The following DNAH7 variants were observed in gnomAD, a reference collection of about 807,000 sequenced individuals.
DNAH7 encodes the protein axonemal beta dynein heavy chain 7.
DNAH7 carries 397 observed loss-of-function variants against 444.6 expected under a neutral mutation model. The observed-to-expected ratio is 0.89, with a 90% confidence interval of 0.82 to 0.97. DNAH7 has a LOEUF of 0.97. DNAH7 is among the 50% of genes least tolerant of loss of function. The probability of loss-of-function intolerance (pLI) is 0.00; values close to 1 mark genes in which losing one functional copy is unlikely to be tolerated. For synonymous variants in DNAH7, 1,636 were observed against 1,624.4 expected, an observed-to-expected ratio of 1.01 and a Z score of -0.17; for missense variants, 4,902 against 4,800.8, an observed-to-expected ratio of 1.02 and a Z score of -0.62.
At chr2:195,765,707 T>C (rs1694540204) in intron 61 of DNAH7, among the ~76,000 whole-genome samples, 2 of 152,070 alleles carry the variant, frequency 1.3e-5, no homozygotes, top group African/African-American at 4.8e-5. Flanking sequence ...AAATGGCTTA[T>C]ATCCAAAAGA....
intron 27 of DNAH7, chr2:195,905,444 A>T (rs1216748390): frequency 1.3e-5 from 2 of 152,202 alleles, no homozygotes; most frequent in Non-Finnish European, 2.9e-5. Flanking sequence ...ATGAAATGGA[A>T]ATACAAAAAC....
At chr2:195,887,632 A>G (rs966554420) in intron 33 of DNAH7, among the ~76,000 whole-genome samples, 3 of 152,080 alleles carry the variant, frequency 2.0e-5, no homozygotes, top group African/African-American at 7.2e-5. Context: ...TATCAACCCT[A>G]TTTCCCTACA....
chr2:195,855,150 T>C (rs1007012160), intron 45 of DNAH7, among the ~76,000 whole-genome samples: 4 of 152,206 alleles, frequency 2.6e-5, no homozygotes, highest in African/African-American at 9.6e-5. Context: ...TGAGAATAAA[T>C]AGTATAATAT....
At chr2:195,859,917 AC>A (rs892865970) in intron 42 of DNAH7, among the ~76,000 whole-genome samples, 3 of 152,114 alleles carry the variant, frequency 2.0e-5, no homozygotes, top group Non-Finnish European at 4.4e-5. Context: ...CTTCCAAGTA[AC>A]CTGAAAACTT....
chr2:196,036,838 GC>G (rs1696423843), intron 5 of DNAH7, among the ~76,000 whole-genome samples: 1 of 152,100 alleles, frequency 6.6e-6, no homozygotes. Flanking sequence ...CACATGCTCT[GC>G]CTAGAGACCT....
At chr2:195,983,454 T>C (rs1423025503) in intron 15 of DNAH7, among the ~76,000 whole-genome samples, 1 of 152,044 alleles carries the variant, frequency 6.6e-6, no homozygotes, top group Non-Finnish European at 1.5e-5. Context: ...ATGTGACACA[T>C]GGCAAGAGGG....
Position 195,853,470 on chromosome 2 carries a change from C to T in DNAH7, c.8654G>A (p.Gly2885Asp). 1 of 1,614,056 alleles carries T rather than the reference C, an allele frequency of 6.2e-7. No homozygotes were observed. The change falls in exon 46 of 65, where the codon GGT becomes GAT. Residue 2885 changes from glycine (G) to aspartate (D), a missense_variant. Physicochemically the swap from Gly to Asp is moderately conservative, Grantham distance 94. Coordinates refer to ENST00000312428, the MANE Select transcript of DNAH7 (RefSeq NM_018897.3). The part of the protein sequence containing the change: ...RAEQLIGGLG[G>D]EKTRWSHTAL... The stretch of plus-strand genomic sequence containing the variant: ...TGTGTGGCTCCATCGAGTTTTCTCA[C>T]CTCCAAGGCCTCCAATCAACTGTTC...
At chr2:195,823,789 C>T (rs1697582720) in intron 49 of DNAH7, among the ~76,000 whole-genome samples, 1 of 152,088 alleles carries the variant, frequency 6.6e-6, no homozygotes, top group Non-Finnish European at 1.5e-5. Flanking sequence ...AAACTTTAAG[C>T]TCAATTTACT....
rs1700255536 is a variant in DNAH7 at position 195,865,171 on chromosome 2, CAAT to C, written c.6634-153_6634-151del. Reference sequence around the variant, plus strand: ...TATCCAAATAATCAGGACTGATTCACAATAATGTTATTTTAAATGTTAATTTTA... The same window carrying C: ...TATCCAAATAATCAGGACTGATTCACAATGTTATTTTAAATGTTAATTTTA... On this transcript the variant is annotated intron_variant, in intron 40 of 64. Transcript: ENST00000312428. 9.1e-6 allele frequency: 6 copies of C among 661,864 alleles called. No individual in the cohort carries two copies. In the Admixed American group the frequency reaches 1.3e-4, roughly 15 times the overall value. 41.0% of individuals were successfully genotyped at this position (661,864 alleles called of 1,614,324 possible).
rs190757222 is a variant in DNAH7 at position 196,022,195 on chromosome 2, G to C, written c.743+2234C>G. 4.6e-5 allele frequency among the ~76,000 whole-genome samples: 7 copies of C among 152,124 alleles called. No individual in the cohort carries two copies. The East Asian group carries it at 1.4e-3, about 29-fold the overall frequency. On this transcript the variant is annotated intron_variant, in intron 8 of 64. Transcript: ENST00000312428. ...GCCACAAAATACTAACAATCATCTG[G>C]GCCTTTTGCGAGTCATAATCTTTTT...
chr2:195,957,971 A>C (rs555770199), intron 18 of DNAH7, among the ~76,000 whole-genome samples: 2 of 151,482 alleles, frequency 1.3e-5, no homozygotes, highest in South Asian at 4.2e-4. Context: ...TACATCCAAT[A>C]CTCTTTTCCT....
In DNAH7 at chr2:196,013,464, C is replaced by A. The variant is rs6761681; in HGVS notation, c.870-558G>T. On this transcript the variant is annotated intron_variant, in intron 9 of 64. Coordinates refer to ENST00000312428, the MANE Select transcript of DNAH7 (RefSeq NM_018897.3). ...ATGTTATAGATCTTTGTTATACACA[C>A]GGTTTACTCATCTAAGTATTTTCTC... 5.9e-5 allele frequency among the ~76,000 whole-genome samples: 9 copies of A among 152,124 alleles called. 1 individual carries two copies. The East Asian group carries it at 9.6e-4, about 16-fold the overall frequency.
At chr2:195,891,843 A>G (rs1466413875) in intron 30 of DNAH7, 39 bp from the exon 31 acceptor site, 1 of 1,466,724 alleles carries the variant, frequency 6.8e-7, no homozygotes, top group Admixed American at 2.1e-5. Context: ...TGTAAAGAAT[A>G]CTGTCTTTAT....
intron 54 of DNAH7, among the ~76,000 whole-genome samples, chr2:195,803,691 G>T (rs1227613683): frequency 6.6e-6 from 1 of 152,144 alleles, no homozygotes; most frequent in African/African-American, 2.4e-5. Flanking sequence ...GCTATTTATT[G>T]CAAGTTCCTA....
rs377422715 is a variant in DNAH7, at chr2:196,040,705, C to G, written c.398+6647G>C. 1.8e-4 allele frequency among the ~76,000 whole-genome samples: 27 copies of G among 151,990 alleles called. No homozygotes were observed. The East Asian group carries it at 2.3e-3, about 13-fold the overall frequency. On this transcript the variant is annotated intron_variant, in intron 5 of 64. Coordinates refer to ENST00000312428, the MANE Select transcript of DNAH7 (RefSeq NM_018897.3). Reference sequence around the variant, plus strand: ...TTCACCACTTTTATTCAACATTGTACCAGAAGTCTTAGCCAGAGCAATTAC... The same window carrying G: ...TTCACCACTTTTATTCAACATTGTAGCAGAAGTCTTAGCCAGAGCAATTAC...
intron 28 of DNAH7, among the ~76,000 whole-genome samples, chr2:195,900,054 AC>A (rs1404490645): frequency 6.6e-6 from 1 of 152,174 alleles, no homozygotes; most frequent in African/African-American, 2.4e-5. Context: ...CCTTGGTAGT[AC>A]CCCGTTAATG....
At chr2:195,803,509 G>A (rs929978933) in intron 54 of DNAH7, among the ~76,000 whole-genome samples, 7 of 152,232 alleles carry the variant, frequency 4.6e-5, no homozygotes, top group African/African-American at 1.7e-4. Flanking sequence ...AAATGAACCT[G>A]CGTTAGCTAT....
chr2:195,916,751 G>A (rs116985315), intron 24 of DNAH7, among the ~76,000 whole-genome samples: 4,994 of 152,048 alleles, frequency 0.033, 307 homozygotes, highest in East Asian at 0.27. Flanking sequence ...CTTGCTACTC[G>A]GGAGGCTGAG....
In DNAH7 at chr2:195,891,792, C is replaced by A; in HGVS notation, c.4909G>T (p.Glu1637Ter). The A allele has an allele frequency of 6.4e-7, 1 of 1,566,812 alleles. No homozygotes were observed. Among genetic ancestry groups the A allele is most frequent in the Non-Finnish European group, 8.6e-7 (1 of 1,163,072 alleles). ...AAAACAGTTATTTGAACTTTGTTTT[C>A]TTCCATTAGCCCCTTAATGAAAAAA... ...NDICEKGLME[E>*]NKVQITVLNP... is the part of the protein sequence containing the mutation. The change falls in exon 31 of 65, where the codon GAA becomes TAA. Residue 1637 changes from glutamate to a stop codon, truncating the protein, a stop_gained. Coordinates refer to ENST00000312428, the MANE Select transcript of DNAH7 (RefSeq NM_018897.3). LOFTEE classifies it high-confidence loss of function.
Sources: gnomAD v4.1 joint callset for allele counts (sites outside exome capture counted in the v4.1 genomes callset) on GRCh38, gnomAD v4.1.1 for gene constraint, MANE v1.5 for transcripts, NCBI Gene and HGNC (gene_info 2026-07-23, HGNC 2026-07-21) for gene names.